The following FST variants were observed in gnomAD, a reference collection of about 807,000 sequenced individuals.
FST encodes the protein activin-binding protein.
FST carries 6 observed loss-of-function variants against 38.4 expected under a neutral mutation model. The ratio of observed to expected loss-of-function variants is 0.16; its 90% CI spans 0.09 to 0.31. The LOEUF (loss-of-function observed/expected upper bound fraction) is 0.31, where lower values mean the gene tolerates loss of function less well. Among genes scored for constraint, FST ranks in the 10% least tolerant of loss-of-function variants. The probability of loss-of-function intolerance (pLI) is 1.00; values close to 1 mark genes in which losing one functional copy is unlikely to be tolerated. For missense variants in FST, 301 were observed against 432.3 expected (o/e 0.70, Z 2.69); for synonymous variants, 157 against 169.8 (o/e 0.92, Z 0.59).
In FST at chr5:53,483,193, C is replaced by T; in HGVS notation, c.277+122C>T. Reference sequence around the variant, plus strand: ...TTGTTCCTGGGCTTCCCCTTCCTGTCCCTTGCCCTGGTAAGCCGTGCAGAC... The same window carrying T: ...TTGTTCCTGGGCTTCCCCTTCCTGTTCCTTGCCCTGGTAAGCCGTGCAGAC... On this transcript the variant is annotated intron_variant, in intron 2 of 5. Transcript: ENST00000256759. The surrounding 1 kb of genome is among the most constrained non-coding windows in gnomAD (Gnocchi z 4.1). The T allele has an allele frequency of 1.4e-6, 1 of 703,784 alleles. No homozygotes were observed. Among genetic ancestry groups the T allele is most frequent in the Non-Finnish European group, 2.5e-6 (1 of 403,230 alleles). 43.6% of individuals were successfully genotyped at this position (703,784 alleles called of 1,614,324 possible). A position where few individuals can be genotyped will look rare whatever the true frequency, so the allele number is the denominator to read the frequency against.
Position 53,482,915 on chromosome 5 carries a change from C to G in FST, c.121C>G (p.Arg41Gly). 6.2e-7 allele frequency: 1 copy of G among 1,611,112 alleles called. No individual in the cohort carries two copies. The change falls in exon 2 of 6, where the codon CGC (arginine) becomes GGC (glycine). Residue 41 changes from arginine (R) to glycine (G), a missense_variant. Transcript: ENST00000256759. Reference sequence around the variant, plus strand: ...CTGGCTCCGTCAAGCGAAGAACGGCCGCTGCCAGGTCCTGTACAAGACCGA... The same window carrying G: ...CTGGCTCCGTCAAGCGAAGAACGGCGGCTGCCAGGTCCTGTACAAGACCGA... ...NCWLRQAKNGRCQVLYKTELS... is the reference protein window; with the variant it reads ...NCWLRQAKNGGCQVLYKTELS...
At chr5:53,484,340 C>G (rs377062262) in intron 4 of FST, 47 bp downstream of exon 4, 2 of 1,579,170 alleles carry the variant, frequency 1.3e-6, no homozygotes, top group African/African-American at 2.7e-5. Flanking sequence ...CAGGCTAGTT[C>G]TATTATTAAA....
At chr5:53,482,484 A>C (rs1004367581) in intron 1 of FST, among the ~76,000 whole-genome samples, 1 of 151,966 alleles carries the variant, frequency 6.6e-6, no homozygotes, top group African/African-American at 2.4e-5. Context: ...CAGGTTCTTT[A>C]ATCTGCTCTT....
intron 5 of FST, 46 bp downstream of exon 5, chr5:53,485,273 C>G: frequency 9.7e-7 from 1 of 1,033,090 alleles, no homozygotes; most frequent in Non-Finnish European, 1.5e-6. Flanking sequence ...CTTTCCCAGG[C>G]AATCCCTAGG....
At chr5:53,484,873 G>A (rs1686135266) in intron 4 of FST, 124 bp from the exon 5 acceptor site, 7 of 605,696 alleles carry the variant, frequency 1.2e-5, no homozygotes, top group South Asian at 4.5e-5. Context: ...TTAGTAATAG[G>A]CTATTACTAT....
Position 53,482,973 on chromosome 5 carries a change from G to A in FST, c.179G>A (p.Arg60Gln). ...LSKEECCSTG[R>Q]LSTSWTEEDV... ...AAGGAGGAGTGCTGCAGCACCGGCC[G>A]GCTGAGCACCTCGTGGACCGAGGAG... Residue 60 changes from arginine to glutamine, a missense_variant, in exon 2 of 6, where the codon CGG (arginine) becomes CAG (glutamine). Transcript: ENST00000256759. 1 of 1,613,420 alleles carries A rather than the reference G, an allele frequency of 6.2e-7. No individual in the cohort carries two copies.
At position 53,486,075 on chromosome 5, in the gene FST, A is replaced by C; in HGVS notation, c.*42A>C. 2 of 320,590 alleles carry C rather than the reference A, an allele frequency of 6.2e-6. No homozygotes were observed. Among genetic ancestry groups the C allele is most frequent in the South Asian group, 3.9e-5 (1 of 25,394 alleles). The allele number at this position is 320,590 out of a possible 1,614,324, so 19.9% of individuals were successfully genotyped here. On this transcript the variant is annotated 3_prime_UTR_variant, in exon 6 of 6. Transcript: ENST00000256759. Reference sequence around the variant, plus strand: ...CAGTGTTGACATAGCCTTTGTGCAAAAAAAAAAAAAAAAAAAAAGAAAAAG... The same window carrying C: ...CAGTGTTGACATAGCCTTTGTGCAACAAAAAAAAAAAAAAAAAAGAAAAAG...
intron 4 of FST, 89 bp downstream of exon 4, chr5:53,484,382 G>A (rs1202835794): frequency 1.7e-5 from 23 of 1,378,480 alleles, no homozygotes; most frequent in African/African-American, 1.4e-5. Context: ...AAAGCCCAAG[G>A]CGTCCCCAAA....
At chr5:53,482,037 G>C (rs1403195454) in intron 1 of FST, among the ~76,000 whole-genome samples, 2 of 152,242 alleles carry the variant, frequency 1.3e-5, no homozygotes, top group African/African-American at 4.8e-5. Context: ...TGGGCGCGGA[G>C]GAAAGCAGCC....
At chr5:53,485,568 G>C in intron 5 of FST, 1 of 701,640 alleles carries the variant, frequency 1.4e-6, no homozygotes, top group Non-Finnish European at 2.6e-6. Flanking sequence ...TTTTTCCAAC[G>C]ACAGCTTCAT....
chr5:53,482,777 C>A (rs1747316904), intron 1 of FST, 103 bp from the exon 2 acceptor site: 2 of 647,490 alleles, frequency 3.1e-6, no homozygotes, highest in South Asian at 2.0e-5. Flanking sequence ...CGCTCACCCC[C>A]TCCCCATCCC....
Position 53,480,854 on chromosome 5 carries a change from C to T in FST, c.63C>T (p.Phe21=), listed in dbSNP as rs1372069824. 1 of 1,533,158 alleles carries T rather than the reference C, an allele frequency of 6.5e-7. No homozygotes were observed. 95.0% of individuals were successfully genotyped at this position (1,533,158 alleles called of 1,614,324 possible). The change falls in exon 1 of 6, where the codon TTC becomes TTT. Residue 21 remains phenylalanine, a synonymous_variant. Coordinates refer to ENST00000256759, the MANE Select transcript of FST (RefSeq NM_013409.3). ...TCCTGCTGCTGCTGCTCTGCCAGTTCATGGAGGACCGCAGTGCCCAGGGTA... is the reference window on the plus strand; with the variant it reads ...TCCTGCTGCTGCTGCTCTGCCAGTTTATGGAGGACCGCAGTGCCCAGGGTA... ...LCLLLLLLCQ[F]MEDRSAQAGN...
chr5:53,483,789 C>T lies in FST; in HGVS notation c.496+67C>T. On this transcript the variant is annotated intron_variant, in intron 3 of 5. Coordinates refer to ENST00000256759, the MANE Select transcript of FST (RefSeq NM_013409.3). This position sits in a 1 kb window ranked among gnomAD's most constrained non-coding sequence, Gnocchi z 4.1. ...CTCCAGCTTTGTACCTAAAGTAGAC[C>T]CTCTAGAAGACCCTTGGGGGATGGT... The T allele has an allele frequency of 1.7e-6, 2 of 1,178,614 alleles. No homozygotes were observed. The highest frequency in any genetic ancestry group is 2.5e-6 in the Non-Finnish European group (2 of 799,154). 73.0% of individuals were successfully genotyped at this position (1,178,614 alleles called of 1,614,324 possible).
Position 53,484,269 on chromosome 5 carries a change from T to C in FST, c.697T>C (p.Leu233=), listed in dbSNP as rs754343859. The change falls in exon 4 of 6, where the codon TTA becomes CTA. Residue 233 remains leucine (L), a synonymous_variant. Transcript: ENST00000256759. ...ATCLLGRSIG[L]AYEGKCIKAK... is the part of the protein sequence containing the mutation. ...CTGCCTGCTGGGCAGATCTATTGGATTAGCCTATGAGGGAAAGTGTATCAG... is the reference window on the plus strand; with the variant it reads ...CTGCCTGCTGGGCAGATCTATTGGACTAGCCTATGAGGGAAAGTGTATCAG... The C allele has an allele frequency of 1.2e-6, 2 of 1,612,520 alleles. No homozygotes were observed. Among genetic ancestry groups the C allele is most frequent in the South Asian group, 2.2e-5 (2 of 91,050 alleles).
At position 53,482,981 on chromosome 5, in the gene FST, A is replaced by G; in HGVS notation, c.187A>G (p.Thr63Ala). 1 of 1,613,038 alleles carries G rather than the reference A, an allele frequency of 6.2e-7. No homozygotes were observed. The highest frequency in any genetic ancestry group is 8.5e-7 in the Non-Finnish European group (1 of 1,179,028). The change falls in exon 2 of 6, where the codon ACC (threonine) becomes GCC (alanine). Residue 63 changes from threonine to alanine, a missense_variant. Physicochemically the swap from Thr to Ala is moderately conservative, Grantham distance 58. Coordinates refer to ENST00000256759, the MANE Select transcript of FST (RefSeq NM_013409.3). ...EECCSTGRLS[T>A]SWTEEDVNDN... ...GTGCTGCAGCACCGGCCGGCTGAGC[A>G]CCTCGTGGACCGAGGAGGACGTGAA...
In FST at chr5:53,480,750, T is replaced by TCCCCGCGCCGCTGCGCTCCTCG; in HGVS notation, c.-32_-11dup. On this transcript the variant is annotated 5_prime_UTR_variant, in exon 1 of 6. Transcript: ENST00000256759. ...CCGAGCCACCCGCCGCCGCGCCGGC[T>TCCCCGCGCCGCTGCGCTCCTCG]CCCCGCGCCGCTGCGCTCCTCGCCC... The TCCCCGCGCCGCTGCGCTCCTCG allele has an allele frequency of 3.3e-6, 3 of 906,092 alleles. No individual in the cohort carries two copies. Among genetic ancestry groups the TCCCCGCGCCGCTGCGCTCCTCG allele is most frequent in the Non-Finnish European group, 4.3e-6 (3 of 696,564 alleles). The allele number at this position is 906,092 out of a possible 1,614,324, so 56.1% of individuals were successfully genotyped here. A position where few individuals can be genotyped will look rare whatever the true frequency, so the allele number is the denominator to read the frequency against.
chr5:53,482,267 C>CT (rs547018648), intron 1 of FST, among the ~76,000 whole-genome samples: 1 of 151,644 alleles, frequency 6.6e-6, no homozygotes, highest in African/African-American at 2.4e-5. Flanking sequence ...TTCTTTCTTC[C>CT]TTTTTTTCTT....
At position 53,485,040 on chromosome 5, in the gene FST, A is replaced by T; in HGVS notation, c.765A>T (p.Lys255Asn). Reference sequence around the variant, plus strand: ...ATATCCAGTGCACTGGTGGGAAAAAATGTTTATGGGATTTCAAGGTTGGGA... The same window carrying T: ...ATATCCAGTGCACTGGTGGGAAAAATTGTTTATGGGATTTCAAGGTTGGGA... ...CEDIQCTGGK[K>N]CLWDFKVGRG... Residue 255 changes from lysine to asparagine, a missense_variant, in exon 5 of 6, where the codon AAA (lysine) becomes AAT (asparagine). Lys to Asn is a moderately conservative substitution (Grantham distance 94). Transcript: ENST00000256759. 6.2e-7 allele frequency: 1 copy of T among 1,611,918 alleles called. No individual in the cohort carries two copies. Among genetic ancestry groups the T allele is most frequent in the Non-Finnish European group, 8.5e-7 (1 of 1,178,004 alleles).
At chr5:53,485,443 C>G (rs1462942672) in intron 5 of FST, among the ~76,000 whole-genome samples, 1 of 152,126 alleles carries the variant, frequency 6.6e-6, no homozygotes, top group South Asian at 2.1e-4. Flanking sequence ...GGGGTTGCCT[C>G]TAGAAATCTA....
Sources: allele counts gnomAD v4.1 joint callset (sites outside exome capture counted in the v4.1 genomes callset), GRCh38; gene constraint gnomAD v4.1.1; non-coding constraint Gnocchi (gnomAD v3.1); transcripts MANE v1.5; gene names NCBI Gene and HGNC (gene_info 2026-07-23, HGNC 2026-07-21).